The following ZNF487 variants were observed in gnomAD, a reference collection of about 807,000 sequenced individuals.
ZNF487 encodes the protein zinc finger protein 487.
ZNF487 carries 4 observed loss-of-function variants against 3.0 expected under a neutral mutation model. The observed-to-expected ratio is 1.35, with a 90% confidence interval of 0.66 to 3.08. The LOEUF is 3.08. Among genes scored for constraint, ZNF487 ranks in the 30% most tolerant of loss-of-function variants. The pLI is 0.01. For synonymous variants in ZNF487, 55 were observed against 34.6 expected (o/e 1.59, Z -2.06); for missense variants, 146 against 98.7 (o/e 1.48, Z -2.03).
chr10:43,471,199 ACCC>A (rs1190154853), intron 1 of ZNF487, among the ~76,000 whole-genome samples: 1 of 151,932 alleles, frequency 6.6e-6, no homozygotes, highest in East Asian at 1.9e-4. Context: ...ATTGCGCTCA[ACCC>A]CTTGCAGGAT....
intron 1 of ZNF487, among the ~76,000 whole-genome samples, chr10:43,438,447 A>G (rs1057420909): frequency 1.3e-5 from 2 of 152,128 alleles, no homozygotes; most frequent in Non-Finnish European, 2.9e-5. Context: ...CAGCCCCCCA[A>G]AGTGCTGGGA....
intron 1 of ZNF487, among the ~76,000 whole-genome samples, chr10:43,468,988 C>CAAAAAAAAAAAAAAAAAAAAA (rs59076073): frequency 1.6e-5 from 1 of 60,934 alleles, no homozygotes; most frequent in African/African-American, 7.2e-5. Flanking sequence ...GACTCTATCT[C>CAAAAAAAAAAAAAAAAAAAAA]AAAAAAAAAA....
chr10:43,469,415 A>G (rs1589043991), intron 1 of ZNF487, among the ~76,000 whole-genome samples: 1 of 151,632 alleles, frequency 6.6e-6, no homozygotes. Context: ...CTGGTCTCGA[A>G]CCCCTGACCT....
At chr10:43,473,426 G>T (rs1840977937) in intron 1 of ZNF487, among the ~76,000 whole-genome samples, 1 of 152,012 alleles carries the variant, frequency 6.6e-6, no homozygotes. Context: ...TTTCACTGGG[G>T]TATTTTTCTT....
At chr10:43,446,406 G>A (rs1306907675) in intron 1 of ZNF487, among the ~76,000 whole-genome samples, 5 of 151,282 alleles carry the variant, frequency 3.3e-5, no homozygotes, top group East Asian at 3.9e-4. Flanking sequence ...CAGACGGGGC[G>A]GCCGGGCAGA....
At chr10:43,463,521 G>T (rs1199155422) in intron 1 of ZNF487, among the ~76,000 whole-genome samples, 2 of 151,192 alleles carry the variant, frequency 1.3e-5, no homozygotes, top group East Asian at 3.9e-4. Context: ...CTGGGTTTCA[G>T]AGTGAAACAC....
intron 1 of ZNF487, among the ~76,000 whole-genome samples, chr10:43,441,203 G>A (rs1191544199): frequency 6.6e-6 from 1 of 151,384 alleles, no homozygotes; most frequent in African/African-American, 2.4e-5. Flanking sequence ...CTAACCTCAA[G>A]TGATCCACTT....
At chr10:43,503,153 C>A in the ZNF487 span, among the ~76,000 whole-genome samples, 1 of 151,884 alleles carries the variant, frequency 6.6e-6, no homozygotes, top group Non-Finnish European at 1.5e-5. Flanking sequence ...CCCTTGAAGA[C>A]CCTCCAGTGG....
Position 43,481,876 on chromosome 10 carries a change from C to A in ZNF487, c.578C>A (p.Ala193Glu). The change falls in exon 4 of 4, where the codon GCA becomes GAA. Residue 193 changes from alanine (A) to glutamate (E), a missense_variant. Coordinates refer to ENST00000437590, the MANE Select transcript of ZNF487 (RefSeq NM_001355444.3). ...NQCGKAFHEE[A>E]ACSTHKRVCS... ...TGTGGGAAGGCTTTTCATGAAGAGG[C>A]AGCCTGCAGTACCCATAAGAGAGTG... The A allele has an allele frequency of 2.9e-6, 2 of 700,798 alleles. No individual in the cohort carries two copies. The highest frequency in any genetic ancestry group is 5.2e-6 in the Non-Finnish European group (2 of 384,208). 43.4% of individuals were successfully genotyped at this position (700,798 alleles called of 1,614,324 possible).
chr10:43,511,072 C>T, the ZNF487 span, among the ~76,000 whole-genome samples: 2 of 152,194 alleles, frequency 1.3e-5, no homozygotes, highest in African/African-American at 4.8e-5. Flanking sequence ...ACTTTCACTT[C>T]CATCCCTTGA....
intron 3 of ZNF487, among the ~76,000 whole-genome samples, chr10:43,480,228 C>G (rs548911202): frequency 6.6e-6 from 1 of 151,438 alleles, no homozygotes; most frequent in South Asian, 2.1e-4. Flanking sequence ...CTGCTGCAGC[C>G]TCCTGAGTAG....
At chr10:43,458,621 A>G (rs915799386) in intron 1 of ZNF487, among the ~76,000 whole-genome samples, 2 of 152,024 alleles carry the variant, frequency 1.3e-5, no homozygotes, top group Non-Finnish European at 2.9e-5. Context: ...AAAACAAAAA[A>G]CAGTTCTTGG....
the ZNF487 span, among the ~76,000 whole-genome samples, chr10:43,491,111 CAT>C: frequency 7.2e-3 from 1,078 of 150,656 alleles, 13 homozygotes; most frequent in Middle Eastern, 0.028. Context: ...GGACTACAGA[CAT>C]GTGCCACTAT....
the ZNF487 span, among the ~76,000 whole-genome samples, chr10:43,516,740 C>T: frequency 6.6e-6 from 1 of 152,156 alleles, no homozygotes; most frequent in Non-Finnish European, 1.5e-5. Context: ...TGTGCCCCAC[C>T]CAGATTAAAG....
chr10:43,447,494 G>A (rs1406708592), intron 1 of ZNF487, among the ~76,000 whole-genome samples: 2 of 151,932 alleles, frequency 1.3e-5, no homozygotes, highest in East Asian at 1.9e-4. Context: ...TGCCTGCCTC[G>A]GGCTCCCAAA....
intron 1 of ZNF487, among the ~76,000 whole-genome samples, chr10:43,440,286 G>GT (rs1367679327): frequency 1.3e-5 from 2 of 151,702 alleles, no homozygotes; most frequent in Non-Finnish European, 2.9e-5. Context: ...CTGGCCTCAG[G>GT]TAATACGCCC....
chr10:43,476,862 C>T (rs1564427284), intron 3 of ZNF487, among the ~76,000 whole-genome samples: 1 of 152,028 alleles, frequency 6.6e-6, no homozygotes, highest in Non-Finnish European at 1.5e-5. Flanking sequence ...CCGATATATT[C>T]GGAAGTTGTA....
chr10:43,484,793 CAGAT>C (rs1163169618), downstream of ZNF487, among the ~76,000 whole-genome samples: 1 of 152,144 alleles, frequency 6.6e-6, no homozygotes, highest in Non-Finnish European at 1.5e-5. Flanking sequence ...CATAGGAAAA[CAGAT>C]AAACAGCACA....
chr10:43,437,030 A>G (rs894922022), upstream of ZNF487: 14 of 360,210 alleles, frequency 3.9e-5, 1 homozygote, highest in South Asian at 2.7e-4. Flanking sequence ...CGGGAGCAGC[A>G]AGGCTTCCGG....
Sources: allele counts gnomAD v4.1 joint callset (sites outside exome capture counted in the v4.1 genomes callset), GRCh38; gene constraint gnomAD v4.1.1; transcripts MANE v1.5; gene names NCBI Gene and HGNC (gene_info 2026-07-23, HGNC 2026-07-21).